PRDM5: variants seen among roughly 807,000 people sequenced by gnomAD.
PRDM5 encodes PR/SET domain 5, also known as PR domain zinc finger protein 5.
PRDM5 carries 56 observed loss-of-function variants against 81.2 expected under a neutral mutation model. That is an observed-to-expected ratio of 0.69 (90% CI 0.56 to 0.86). The LOEUF is 0.86. Ranked by LOEUF, PRDM5 falls within the 40% of genes least tolerant of loss-of-function variation. PRDM5 has a pLI of 0.00. For missense variants in PRDM5, 697 were observed against 770.1 expected (o/e 0.91, Z 1.12); for synonymous variants, 267 against 256.4 (o/e 1.04, Z -0.39).
At chr4:120,713,135 T>C (rs891114715) in intron 14 of PRDM5, among the ~76,000 whole-genome samples, 2 of 152,236 alleles carry the variant, frequency 1.3e-5, no homozygotes, top group East Asian at 1.9e-4. Flanking sequence ...TGTAAGTATA[T>C]ACAAATTTTA....
chr4:120,779,420 T>C (rs1748679096), intron 12 of PRDM5, among the ~76,000 whole-genome samples: 1 of 152,166 alleles, frequency 6.6e-6, no homozygotes, highest in Non-Finnish European at 1.5e-5. Flanking sequence ...ACTTTTCCTT[T>C]ATTTATTGAA....
chr4:120,803,891 T>C (rs1480241871), intron 8 of PRDM5, among the ~76,000 whole-genome samples: 1 of 152,140 alleles, frequency 6.6e-6, no homozygotes, highest in African/African-American at 2.4e-5. Flanking sequence ...ATGCTCCAAT[T>C]AAAAGACACA....
chr4:120,801,413 C>T (rs4833182), intron 8 of PRDM5, among the ~76,000 whole-genome samples: 13,420 of 152,254 alleles, frequency 0.088, 903 homozygotes, highest in Middle Eastern at 0.17. Context: ...CTGCAGCCCA[C>T]GGCTTAATTC....
intron 2 of PRDM5, among the ~76,000 whole-genome samples, chr4:120,877,899 C>G (rs1204172115): frequency 2.0e-5 from 3 of 152,158 alleles, no homozygotes; most frequent in Non-Finnish European, 4.4e-5. Context: ...GTAAGAATCT[C>G]TTTTTACTGG....
intron 8 of PRDM5, among the ~76,000 whole-genome samples, chr4:120,810,787 C>T (rs1753728704): frequency 6.6e-6 from 1 of 152,080 alleles, no homozygotes; most frequent in East Asian, 1.9e-4. Flanking sequence ...ATTATTTCTC[C>T]TTAAGTATCA....
At chr4:120,721,783 A>G (rs1738644118) in intron 14 of PRDM5, among the ~76,000 whole-genome samples, 2 of 152,236 alleles carry the variant, frequency 1.3e-5, no homozygotes, top group Admixed American at 1.3e-4. Flanking sequence ...TGACTCAGCG[A>G]GTCTACAGCG....
At chr4:120,917,934 ACCTT>A (rs1212329116) in intron 1 of PRDM5, among the ~76,000 whole-genome samples, 2 of 152,150 alleles carry the variant, frequency 1.3e-5, no homozygotes, top group Non-Finnish European at 2.9e-5. Flanking sequence ...GACTGATGTA[ACCTT>A]CCTCAACATC....
chr4:120,710,649 C>A (rs756175216), intron 14 of PRDM5, among the ~76,000 whole-genome samples: 5 of 152,160 alleles, frequency 3.3e-5, no homozygotes, highest in Non-Finnish European at 7.3e-5. Flanking sequence ...TGGTTACCCC[C>A]ATGCTGTTCT....
At chr4:120,766,863 A>C (rs1746461193) in intron 13 of PRDM5, among the ~76,000 whole-genome samples, 1 of 152,212 alleles carries the variant, frequency 6.6e-6, no homozygotes, top group Non-Finnish European at 1.5e-5. Flanking sequence ...CCTTGTGCAC[A>C]CTTGCCACAT....
At chr4:120,776,674 A>G (rs1748196950) in intron 13 of PRDM5, among the ~76,000 whole-genome samples, 1 of 152,292 alleles carries the variant, frequency 6.6e-6, no homozygotes, top group Non-Finnish European at 1.5e-5. Context: ...GCTTTCTTTC[A>G]TTGGAGAAAT....
intron 14 of PRDM5, among the ~76,000 whole-genome samples, chr4:120,748,219 T>G (rs1355486447): frequency 6.6e-6 from 1 of 152,190 alleles, no homozygotes; most frequent in Non-Finnish European, 1.5e-5. Flanking sequence ...AAAGCAGACC[T>G]TTGAGACAAA....
At chr4:120,755,091 G>C (rs1180597226) in intron 13 of PRDM5, among the ~76,000 whole-genome samples, 2 of 152,028 alleles carry the variant, frequency 1.3e-5, no homozygotes, top group Non-Finnish European at 2.9e-5. Flanking sequence ...CTCAGTTAAG[G>C]CTGTGAGTTT....
intron 1 of PRDM5, among the ~76,000 whole-genome samples, chr4:120,686,486 A>T (rs1733838225): frequency 6.6e-6 from 1 of 152,160 alleles, no homozygotes; most frequent in South Asian, 2.1e-4. Context: ...CTGATTTATA[A>T]CATGAAGTTT....
intron 14 of PRDM5, among the ~76,000 whole-genome samples, chr4:120,742,588 G>A (rs904468004): frequency 2.6e-5 from 4 of 152,294 alleles, no homozygotes; most frequent in Admixed American, 6.5e-5. Flanking sequence ...GCTTAAAGGA[G>A]CTGATGGAGC....
In PRDM5 at chr4:120,816,434, C is replaced by T; in HGVS notation, c.865+19G>A. The stretch of plus-strand genomic sequence containing the variant: ...GGAAAGGAAGCCCCTTCGGAAACGA[C>T]CCTCCAACGACTCCTCACCAGTGTG... On this transcript the variant is annotated intron_variant, in intron 7 of 15. Transcript: ENST00000264808. 1 of 1,614,148 alleles carries T rather than the reference C, an allele frequency of 6.2e-7. No individual in the cohort carries two copies. The highest frequency in any genetic ancestry group is 8.5e-7 in the Non-Finnish European group (1 of 1,180,016).
At chr4:120,904,304 A>T (rs1561676609) in intron 2 of PRDM5, among the ~76,000 whole-genome samples, 1 of 151,770 alleles carries the variant, frequency 6.6e-6, no homozygotes, top group African/African-American at 2.4e-5. Flanking sequence ...TCCGAAATGA[A>T]GACGAGACCA....
chr4:120,775,980 T>C (rs527476533), intron 13 of PRDM5, among the ~76,000 whole-genome samples: 7 of 152,252 alleles, frequency 4.6e-5, no homozygotes, highest in Non-Finnish European at 1.5e-5. Context: ...CCACCGGCCG[T>C]TGGCACAATT....
At chr4:120,731,075 G>A (rs1450966953) in intron 14 of PRDM5, among the ~76,000 whole-genome samples, 1 of 152,206 alleles carries the variant, frequency 6.6e-6, no homozygotes, top group East Asian at 1.9e-4. Flanking sequence ...CTCACCTAAA[G>A]CCCTGCTATT....
At chr4:120,742,546 A>G (rs1421033212) in intron 14 of PRDM5, among the ~76,000 whole-genome samples, 1 of 151,874 alleles carries the variant, frequency 6.6e-6, no homozygotes, top group African/African-American at 2.4e-5. Flanking sequence ...ATTTAGAAGA[A>G]TGTATAACTA....
Sources: gnomAD v4.1 joint callset for allele counts (sites outside exome capture counted in the v4.1 genomes callset) on GRCh38, gnomAD v4.1.1 for gene constraint, MANE v1.5 for transcripts, NCBI Gene and HGNC (gene_info 2026-07-23, HGNC 2026-07-21) for gene names.